The following ENO1 variants were observed in gnomAD, a reference collection of about 807,000 sequenced individuals.
ENO1 encodes enolase 1.
Under a neutral mutation model 46.3 loss-of-function variants are expected in ENO1, and 33 were observed. The observed-to-expected ratio is 0.71, with a 90% CI of 0.54 to 0.95. The LOEUF (loss-of-function observed/expected upper bound fraction) is 0.95, where lower values mean the gene tolerates loss of function less well. Ranked by LOEUF, ENO1 falls within the 40% of genes least tolerant of loss-of-function variation. The pLI, the probability that ENO1 is intolerant of heterozygous loss-of-function variation, is 0.00. For synonymous variants in ENO1, 220 were observed against 216.0 expected (o/e 1.02, Z -0.16); for missense variants, 488 against 553.3 (o/e 0.88, Z 1.18).
At chr1:8,873,428 A>T (rs904767352) in intron 2 of ENO1, among the ~76,000 whole-genome samples, 2 of 152,218 alleles carry the variant, frequency 1.3e-5, no homozygotes, top group Non-Finnish European at 2.9e-5. Flanking sequence ...AGAAAGTTCC[A>T]TTCATTTCAA....
At chr1:8,868,934 C>T (rs1045795973) in intron 4 of ENO1, among the ~76,000 whole-genome samples, 5 of 152,148 alleles carry the variant, frequency 3.3e-5, no homozygotes, top group African/African-American at 9.7e-5. Flanking sequence ...ACCTCAGCCT[C>T]CTAAAGTCCT....
Position 8,865,364 on chromosome 1 carries a change from CTT to C in ENO1, c.784_785del (p.Lys262ValfsTer4), listed in dbSNP as rs1557580023. On this transcript the variant is annotated frameshift_variant, in exon 8 of 12. Coordinates refer to ENST00000234590, the MANE Select transcript of ENO1 (RefSeq NM_001428.5). LOFTEE classifies it high-confidence loss of function. ...TGTACCTGCTGGGGTCATCGGGAGA[CTT>C]GAAGTCCAGGTCATACTTCCCAGAC... ...FRSGKYDLDFKSPDDPSRYIS... is the reference protein window; with the variant it reads ...FRSGKYDLDFXSPDDPSRYIS... 6 of 1,614,080 alleles carry C rather than the reference CTT, an allele frequency of 3.7e-6. No individual in the cohort carries two copies. The highest frequency in any genetic ancestry group is 3.3e-5 in the Admixed American group (2 of 60,006).
intron 11 of ENO1, among the ~76,000 whole-genome samples, chr1:8,862,376 G>C (rs1642422857): frequency 6.6e-6 from 1 of 152,102 alleles, no homozygotes; most frequent in Non-Finnish European, 1.5e-5. Context: ...AACTTAGCGG[G>C]GTGGCGGGCG....
intron 2 of ENO1, chr1:8,874,084 A>AAAG (rs957684942): frequency 2.0e-5 from 3 of 152,230 alleles, no homozygotes; most frequent in African/African-American, 7.2e-5. Flanking sequence ...TCACAGAGAT[A>AAAG]AAGGTGCTAT....
rs28999071 is a variant in ENO1, at chr1:8,870,961, A to G, written c.182-451T>C. On this transcript the variant is annotated intron_variant, in intron 3 of 11. Transcript: ENST00000234590. Reference sequence around the variant, plus strand: ...GGTGATTAAGGACTGCGAGTGAGAGACAGTGAGGGGGCAGGAAAGCAGAGG... The same window carrying G: ...GGTGATTAAGGACTGCGAGTGAGAGGCAGTGAGGGGGCAGGAAAGCAGAGG... 6,026 of 1,247,374 alleles carry G rather than the reference A, an allele frequency of 4.8e-3. 225 individuals are homozygous for G. In the African/African-American group the frequency reaches 0.083, roughly 17 times the overall value. 77.3% of individuals were successfully genotyped at this position (1,247,374 alleles called of 1,614,324 possible).
rs1557587869 is a variant in ENO1 at position 8,874,934 on chromosome 1, C to CA, written c.-9-18dup. 6.3e-7 allele frequency: 1 copy of CA among 1,596,464 alleles called. No individual in the cohort carries two copies. Among genetic ancestry groups the CA allele is most frequent in the Non-Finnish European group, 8.6e-7 (1 of 1,165,726 alleles). ...GGTGAACTTCTGTAGAAGAAACACACAGTTCATGTTTTCCATAAGCCATAA... is the reference window on the plus strand; with the variant it reads ...GGTGAACTTCTGTAGAAGAAACACACAAGTTCATGTTTTCCATAAGCCATAA... On this transcript the variant is annotated splice_polypyrimidine_tract_variant and intron_variant, in intron 1 of 11. Transcript: ENST00000234590.
chr1:8,867,875 C>A, intron 5 of ENO1, 113 bp downstream of exon 5: 1 of 971,384 alleles, frequency 1.0e-6, no homozygotes, highest in East Asian at 2.4e-5. Flanking sequence ...GGGAAGAGAC[C>A]ACAGGCTCAT....
chr1:8,870,749 A>T, intron 3 of ENO1: 1 of 1,424,988 alleles, frequency 7.0e-7, no homozygotes, highest in South Asian at 1.5e-5. Flanking sequence ...GCTCAGAACG[A>T]TCTGACTGGA....
rs29000595 is a variant in ENO1 at position 8,875,443 on chromosome 1, A to C, written c.-9-526T>G. Among the ~76,000 whole-genome samples, 13 of 152,334 alleles carry C rather than the reference A, an allele frequency of 8.5e-5. No homozygotes were observed. The East Asian group carries it at 2.5e-3, about 29-fold the overall frequency. On this transcript the variant is annotated intron_variant, in intron 1 of 11. Transcript: ENST00000234590. Reference sequence around the variant, plus strand: ...CTGAAACTGGCTATTGTCATGAGTGAACAATGAGGGCTGGCATGGGAATGG... The same window carrying C: ...CTGAAACTGGCTATTGTCATGAGTGCACAATGAGGGCTGGCATGGGAATGG...
chr1:8,864,202 C>T (rs1347942955), intron 8 of ENO1, 110 bp from the exon 9 acceptor site: 1 of 1,199,534 alleles, frequency 8.3e-7, no homozygotes. Context: ...CTCACAATGC[C>T]CAAAAGCATA....
Sources: allele counts gnomAD v4.1 joint callset (sites outside exome capture counted in the v4.1 genomes callset), GRCh38; gene constraint gnomAD v4.1.1; transcripts MANE v1.5; gene names NCBI Gene and HGNC (gene_info 2026-07-23, HGNC 2026-07-21).